Variants in HEATR1 observed in about 807,000 individuals in gnomAD.
HEATR1 encodes HEAT repeat-containing protein 1.
A neutral mutation model predicts 248.2 loss-of-function variants in HEATR1; 77 were observed. That is an observed-to-expected ratio of 0.31 (90% CI 0.26 to 0.37). The LOEUF is 0.37. Ranked by LOEUF, HEATR1 falls within the 10% of genes least tolerant of loss-of-function variation. The pLI, the probability that HEATR1 is intolerant of heterozygous loss-of-function variation, is 1.00. For missense variants in HEATR1, 2,420 were observed against 2,504.9 expected, an observed-to-expected ratio of 0.97 and a Z score of 0.72; for synonymous variants, 897 against 923.1, an observed-to-expected ratio of 0.97 and a Z score of 0.51.
rs1219106194 is a variant in HEATR1 at position 236,585,810 on chromosome 1, G to T, written c.2049+10C>A. ...GAAATCCAGGGGGTGGACTTTCAAA[G>T]CATACTTACCATCTTTAACATTGAA... On this transcript the variant is annotated intron_variant, in intron 16 of 44. Transcript: ENST00000366582. 1.2e-6 allele frequency: 2 copies of T among 1,610,546 alleles called. No individual in the cohort carries two copies. Among genetic ancestry groups the T allele is most frequent in the East Asian group, 4.5e-5 (2 of 44,728 alleles).
In HEATR1 at chr1:236,596,894, A is replaced by ACCAGCG. The variant is rs1380074191; in HGVS notation, c.680_685dup (p.Ala227_Leu228dup). ...ATTGTCTGATACGTCCTCTGCAGCT[A>ACCAGCG]CCAGCGCCGACACTATGGTAGAAGC... On this transcript the variant is annotated inframe_insertion, in exon 6 of 45. Coordinates refer to ENST00000366582, the MANE Select transcript of HEATR1 (RefSeq NM_018072.6). The ACCAGCG allele has an allele frequency of 6.2e-7, 1 of 1,614,144 alleles. No individual in the cohort carries two copies. Among genetic ancestry groups the ACCAGCG allele is most frequent in the East Asian group, 2.2e-5 (1 of 44,888 alleles).
intron 33 of HEATR1, among the ~76,000 whole-genome samples, chr1:236,560,350 C>T (rs184278673): frequency 1.3e-5 from 2 of 151,896 alleles, no homozygotes; most frequent in Admixed American, 1.3e-4. Flanking sequence ...AAAAAGACTA[C>T]AAACTTCAAA....
intron 24 of HEATR1, among the ~76,000 whole-genome samples, chr1:236,573,377 T>G (rs909429025): frequency 2.6e-5 from 4 of 152,190 alleles, no homozygotes; most frequent in Non-Finnish European, 5.9e-5. Flanking sequence ...CAGAGATTCT[T>G]TAGATATGGG....
Position 236,571,479 on chromosome 1 carries a change from T to C in HEATR1, c.3827-7A>G. The C allele has an allele frequency of 6.2e-7, 1 of 1,613,644 alleles. No individual in the cohort carries two copies. The highest frequency in any genetic ancestry group is 8.5e-7 in the Non-Finnish European group (1 of 1,179,938). On this transcript the variant is annotated splice_polypyrimidine_tract_variant and splice_region_variant and intron_variant, in intron 27 of 44. Transcript: ENST00000366582. ...TTCTCCTCATCTAAAATATCTACAA[T>C]GGTGAGAAAGACAAAAACCCTAAGT...
chr1:236,549,262 A>C lies in HEATR1; in HGVS notation c.*1640T>G. On this transcript the variant is annotated 3_prime_UTR_variant, in exon 45 of 45. Coordinates refer to ENST00000366582, the MANE Select transcript of HEATR1 (RefSeq NM_018072.6). The stretch of plus-strand genomic sequence containing the variant: ...TGATTAAAATCAAACCTGTATCAGC[A>C]AGTTAAATGGTTCCATTTCTGTGAT... The C allele has an allele frequency of 3.1e-6, 1 of 324,898 alleles. No homozygotes were observed. Among genetic ancestry groups the C allele is most frequent in the East Asian group, 4.6e-5 (1 of 21,594 alleles). The allele number at this position is 324,898 out of a possible 1,614,324, so 20.1% of individuals were successfully genotyped here. A position where few individuals can be genotyped will look rare whatever the true frequency, so the allele number is the denominator to read the frequency against.
At chr1:236,575,005 C>A (rs1663529556) in intron 22 of HEATR1, 102 bp from the exon 23 acceptor site, 2 of 1,179,884 alleles carry the variant, frequency 1.7e-6, no homozygotes, top group Non-Finnish European at 2.3e-6. Flanking sequence ...GGAGTTTAGC[C>A]TGGAGGAAAA....
In HEATR1 at chr1:236,559,716, T is replaced by C. The variant is rs756359423; in HGVS notation, c.4768A>G (p.Lys1590Glu). 5 of 1,607,870 alleles carry C rather than the reference T, an allele frequency of 3.1e-6. No individual in the cohort carries two copies. Among genetic ancestry groups the C allele is most frequent in the African/African-American group, 2.7e-5 (2 of 74,794 alleles). Residue 1590 changes from lysine (K) to glutamate (E), a missense_variant and splice_region_variant, in exon 34 of 45, where the codon AAG (lysine) becomes GAG (glutamate). By Grantham distance (56) the Lys-to-Glu change is moderately conservative (BLOSUM62 1). Coordinates refer to ENST00000366582, the MANE Select transcript of HEATR1 (RefSeq NM_018072.6). ...TCCAGGGAGAAATGAACACCTACCT[T>C]ATCTAACAGGTCGTAAGCTTTACTA... ...LLSKAYDLLD[K>E]VNALLPTETF...
rs764190523 is a variant in HEATR1 at position 236,558,419 on chromosome 1, T to A, written c.5022A>T (p.Leu1674Phe). The change falls in exon 36 of 45, where the codon TTA becomes TTT. Residue 1674 changes from leucine to phenylalanine, a missense_variant. Transcript: ENST00000366582. The part of the protein sequence containing the change: ...AINRQTALYT[L>F]KLLCKNFGAE... ...CACCAAAATTCTTGCATAAAAGCTTTAAGGTATACAACGCTGTCTGTCTGT... is the reference window on the plus strand; with the variant it reads ...CACCAAAATTCTTGCATAAAAGCTTAAAGGTATACAACGCTGTCTGTCTGT... 1 of 1,614,204 alleles carries A rather than the reference T, an allele frequency of 6.2e-7. No homozygotes were observed. The highest frequency in any genetic ancestry group is 1.7e-5 in the Admixed American group (1 of 60,026).
Position 236,553,571 on chromosome 1 carries a change from A to T in HEATR1, c.6237+10T>A. The T allele has an allele frequency of 6.2e-7, 1 of 1,611,348 alleles. No homozygotes were observed. Among genetic ancestry groups the T allele is most frequent in the Non-Finnish European group, 8.5e-7 (1 of 1,178,668 alleles). The stretch of plus-strand genomic sequence containing the variant: ...GATGCAGTTTCAGTACTTGTCACGC[A>T]GTTCCTAACCTTAGGCGAGGAGTCT... On this transcript the variant is annotated intron_variant, in intron 43 of 44. Transcript: ENST00000366582.
Position 236,585,076 on chromosome 1 carries a change from G to C in HEATR1, c.2190C>G (p.Phe730Leu), listed in dbSNP as rs373793253. Residue 730 changes from phenylalanine to leucine, a missense_variant, in exon 17 of 45, where the codon TTC becomes TTG. Transcript: ENST00000366582. Reference protein sequence around the residue: ...ETHFPFAIRVFSLLQKKIKKL... With the variant: ...ETHFPFAIRVLSLLQKKIKKL... The stretch of plus-strand genomic sequence containing the variant: ...TCTTTATTTTTTTCTGCAACAAACT[G>C]AAGACTCTTATCGCAAATGGAAAGT... The C allele has an allele frequency of 6.2e-7, 1 of 1,613,784 alleles. No homozygotes were observed. Among genetic ancestry groups the C allele is most frequent in the Non-Finnish European group, 8.5e-7 (1 of 1,179,830 alleles).
rs766555347 is a variant in HEATR1, at chr1:236,564,509, A to C, written c.4588T>G (p.Phe1530Val). 1 of 1,612,328 alleles carries C rather than the reference A, an allele frequency of 6.2e-7. No individual in the cohort carries two copies. The highest frequency in any genetic ancestry group is 2.2e-5 in the East Asian group (1 of 44,862). ...AAAGAACACATTACCTTTTTCAGAA[A>C]ATTATTGGAAGACAGGAGCTGAGAC... is the stretch of plus-strand genomic sequence containing the variant. ...FMSQLLSSNN[F>V]LKKVVESGGP... The change falls in exon 32 of 45, where the codon TTT becomes GTT. Residue 1530 changes from phenylalanine to valine, a missense_variant. By Grantham distance (50) the Phe-to-Val change is conservative (BLOSUM62 -1). Transcript: ENST00000366582.
chr1:236,574,530 C>G, intron 23 of HEATR1, 131 bp downstream of exon 23: 1 of 1,261,166 alleles, frequency 7.9e-7, no homozygotes, highest in Non-Finnish European at 1.1e-6. Context: ...TCCTTTAAAA[C>G]GTCTAGTCCA....
chr1:236,569,197 G>A (rs373079684), intron 28 of HEATR1, 73 bp from the exon 29 acceptor site: 54 of 1,176,814 alleles, frequency 4.6e-5, no homozygotes, highest in African/African-American at 1.7e-4. Flanking sequence ...AAGAGATAGC[G>A]TCTCGCTCCG....
chr1:236,593,744 C>T (rs930925926), intron 9 of HEATR1, among the ~76,000 whole-genome samples: 2 of 152,138 alleles, frequency 1.3e-5, no homozygotes, highest in Admixed American at 6.5e-5. Context: ...AAACTTCAAA[C>T]GGCCACAAAC....
chr1:236,585,242 C>T (rs1383196980), intron 16 of HEATR1, 26 bp from the exon 17 acceptor site: 3 of 1,563,682 alleles, frequency 1.9e-6, no homozygotes. Flanking sequence ...CACTCTATTA[C>T]CAGTTGCTCT....
At chr1:236,599,277 T>C (rs1249985942) in intron 4 of HEATR1, among the ~76,000 whole-genome samples, 1 of 152,232 alleles carries the variant, frequency 6.6e-6, no homozygotes, top group East Asian at 1.9e-4. Context: ...GATAATATAA[T>C]GTACATTGCC....
At chr1:236,582,017 G>GCTTA (rs10694159) in intron 19 of HEATR1, among the ~76,000 whole-genome samples, 34,576 of 151,982 alleles carry the variant, frequency 0.23, 4,596 homozygotes, top group African/African-American at 0.36. Flanking sequence ...CAGGGCCCGT[G>GCTTA]CTATTATATA....
intron 38 of HEATR1, 56 bp from the exon 39 acceptor site, chr1:236,555,995 C>T (rs1204656097): frequency 3.2e-5 from 52 of 1,605,834 alleles, no homozygotes; most frequent in East Asian, 2.9e-4. Flanking sequence ...TAGAGTTCAG[C>T]GGTGTGTATT....
In HEATR1 at chr1:236,558,319, TCTC is replaced by T. The variant is rs781364360; in HGVS notation, c.5119_5121del (p.Glu1707del). 1.1e-5 allele frequency: 17 copies of T among 1,614,030 alleles called. No homozygotes were observed. The highest frequency in any genetic ancestry group is 4.5e-5 in the East Asian group (2 of 44,890). ...AGCAGCGCGCTTCCCAGGACATTCT[TCTC>T]CTCCTTTCTCTCTGGAGCAATCAGT... On this transcript the variant is annotated inframe_deletion, in exon 36 of 45. Transcript: ENST00000366582.
Sources: gnomAD v4.1 joint callset for allele counts (sites outside exome capture counted in the v4.1 genomes callset) on GRCh38, gnomAD v4.1.1 for gene constraint, MANE v1.5 for transcripts, NCBI Gene and HGNC (gene_info 2026-07-23, HGNC 2026-07-21) for gene names.